Variants in METAP1 observed in about 807,000 individuals in gnomAD.
METAP1 encodes the protein methionine aminopeptidase 1.
METAP1 carries 28 observed loss-of-function variants against 53.8 expected under a neutral mutation model. The ratio of observed to expected loss-of-function variants is 0.52; its 90% CI spans 0.39 to 0.71. METAP1 has a LOEUF of 0.71. Ranked by LOEUF, METAP1 falls within the 30% of genes least tolerant of loss-of-function variation. METAP1 has a pLI of 0.00. For synonymous variants in METAP1, 181 were observed against 165.7 expected, an observed-to-expected ratio of 1.09 and a Z score of -0.71; for missense variants, 389 against 479.8, an observed-to-expected ratio of 0.81 and a Z score of 1.77.
chr4:99,023,057 C>A (rs1176683417), intron 1 of METAP1: 2 of 1,366,598 alleles, frequency 1.5e-6, no homozygotes, highest in Non-Finnish European at 2.0e-6. Context: ...TGCTCCTCCT[C>A]CACATCTAGT....
rs1249942471 is a variant in METAP1, at chr4:99,048,734, G to A, written c.789G>A (p.Val263=). The A allele has an allele frequency of 6.2e-7, 1 of 1,612,136 alleles. No homozygotes were observed. Among genetic ancestry groups the A allele is most frequent in the Admixed American group, 1.7e-5 (1 of 59,508 alleles). The change falls in exon 9 of 11, where the codon GTG becomes GTA. Residue 263 remains valine (V), a splice_region_variant and synonymous_variant. Coordinates refer to ENST00000296411, the MANE Select transcript of METAP1 (RefSeq NM_015143.3). The part of the protein sequence containing the change: ...YECLMQAIDA[V]KPGVRYRELG... ...ATGAATTTTCTTTTTTCCTTTCAGT[G>A]AAGCCTGGTGTTCGGTACAGAGAAT...
intron 1 of METAP1, among the ~76,000 whole-genome samples, chr4:98,999,754 G>C (rs1243004905): frequency 6.6e-6 from 1 of 151,272 alleles, no homozygotes; most frequent in Non-Finnish European, 1.5e-5. Context: ...CTCGTGATCC[G>C]CCTACCTCAG....
intron 1 of METAP1, among the ~76,000 whole-genome samples, chr4:99,017,409 T>A (rs1446247604): frequency 6.6e-6 from 1 of 152,284 alleles, no homozygotes; most frequent in Non-Finnish European, 1.5e-5. Context: ...TTCAGTTTCC[T>A]CAAGAGTTTC....
At position 99,041,059 on chromosome 4, in the gene METAP1, T is replaced by C. The variant is rs962780176; in HGVS notation, c.449T>C (p.Leu150Ser). Reference sequence around the variant, plus strand: ...TTTTTACAGCTTGCTAGAGAAGTTTTGGATGTTGCTGCCGGCATGATTAAA... The same window carrying C: ...TTTTTACAGCTTGCTAGAGAAGTTTCGGATGTTGCTGCCGGCATGATTAAA... Reference protein sequence around the residue: ...RLVCRLAREVLDVAAGMIKPG... With the variant: ...RLVCRLAREVSDVAAGMIKPG... The change falls in exon 6 of 11, where the codon TTG (leucine) becomes TCG (serine). Residue 150 changes from leucine (L) to serine (S), a missense_variant. By Grantham distance (145) the Leu-to-Ser change is moderately radical. Transcript: ENST00000296411. The C allele has an allele frequency of 6.2e-7, 1 of 1,609,112 alleles. No homozygotes were observed.
intron 10 of METAP1, among the ~76,000 whole-genome samples, chr4:99,058,190 C>G (rs62325210): frequency 6.6e-6 from 1 of 152,038 alleles, no homozygotes; most frequent in Admixed American, 6.6e-5. Flanking sequence ...CCACCCAGTT[C>G]GAGGCAGACA....
intron 10 of METAP1, among the ~76,000 whole-genome samples, chr4:99,060,618 C>T (rs1301283160): frequency 6.6e-6 from 1 of 152,110 alleles, no homozygotes; most frequent in East Asian, 1.9e-4. Context: ...CCGCCTCGGC[C>T]TCCCAAAGTG....
At chr4:99,035,350 T>A (rs770931043) in intron 3 of METAP1, 50 bp from the exon 4 acceptor site, 2 of 1,344,722 alleles carry the variant, frequency 1.5e-6, no homozygotes, top group South Asian at 2.5e-5. Context: ...TCTCCCCTCG[T>A]TTTATTTATT....
At chr4:99,022,706 CATAGGT>C in intron 1 of METAP1, 1 of 1,493,306 alleles carries the variant, frequency 6.7e-7, no homozygotes, top group African/African-American at 1.4e-5. Flanking sequence ...CTTGAGATTC[CATAGGT>C]CATAATGGGA....
At position 99,045,396 on chromosome 4, in the gene METAP1, T is replaced by C. The variant is rs1726149160; in HGVS notation, c.787+86T>C. On this transcript the variant is annotated intron_variant, in intron 8 of 10. Coordinates refer to ENST00000296411, the MANE Select transcript of METAP1 (RefSeq NM_015143.3). Reference sequence around the variant, plus strand: ...GGGCGCTGCAGTTCTGTGCATTCCTTGTACCTTCCAGGTTGCCCCTGTTCT... The same window carrying C: ...GGGCGCTGCAGTTCTGTGCATTCCTCGTACCTTCCAGGTTGCCCCTGTTCT... 4 of 1,467,578 alleles carry C rather than the reference T, an allele frequency of 2.7e-6. No individual in the cohort carries two copies. The African/African-American group carries it at 4.2e-5, about 15-fold the overall frequency. The allele number at this position is 1,467,578 out of a possible 1,614,324, so 90.9% of individuals were successfully genotyped here.
chr4:99,008,896 AAAC>A (rs1448612952), intron 1 of METAP1, among the ~76,000 whole-genome samples: 11 of 152,196 alleles, frequency 7.2e-5, no homozygotes, highest in African/African-American at 2.7e-4. Context: ...TTGTTATAAA[AAAC>A]ATTTAATTTT....
chr4:99,015,909 G>T (rs529249347), intron 1 of METAP1, among the ~76,000 whole-genome samples: 80 of 152,262 alleles, frequency 5.3e-4, no homozygotes, highest in East Asian at 5.2e-3. Flanking sequence ...GTGGGACTTG[G>T]CTCGGGGACC....
At chr4:99,015,516 T>A (rs1723708424) in intron 1 of METAP1, among the ~76,000 whole-genome samples, 1 of 152,160 alleles carries the variant, frequency 6.6e-6, no homozygotes, top group Non-Finnish European at 1.5e-5. Flanking sequence ...TTATGTGAAA[T>A]AAAGATTAGG....
At chr4:99,023,006 C>A in intron 1 of METAP1, 1 of 1,462,970 alleles carries the variant, frequency 6.8e-7, no homozygotes, top group Non-Finnish European at 9.2e-7. Flanking sequence ...CCTGGCACTA[C>A]CCGCTTCTTG....
chr4:99,007,488 C>T (rs1403831501), intron 1 of METAP1, among the ~76,000 whole-genome samples: 2 of 152,028 alleles, frequency 1.3e-5, no homozygotes, highest in Admixed American at 1.3e-4. Flanking sequence ...TTGCGATGAT[C>T]CTTACCTGAT....
At chr4:99,035,702 T>C (rs996208873) in intron 4 of METAP1, among the ~76,000 whole-genome samples, 2 of 152,170 alleles carry the variant, frequency 1.3e-5, no homozygotes, top group African/African-American at 4.8e-5. Flanking sequence ...TATTTTATGT[T>C]GTTATAACAA....
chr4:99,000,330 C>A (rs1183304328), intron 1 of METAP1, among the ~76,000 whole-genome samples: 1 of 152,136 alleles, frequency 6.6e-6, no homozygotes, highest in Non-Finnish European at 1.5e-5. Flanking sequence ...AGGTAGTAAG[C>A]ATAGTGTAAG....
chr4:99,006,767 A>C (rs1443184319), intron 1 of METAP1, among the ~76,000 whole-genome samples: 1 of 152,122 alleles, frequency 6.6e-6, no homozygotes, highest in Admixed American at 6.5e-5. Context: ...TTTGGCTGTC[A>C]TGTCTCTTAA....
chr4:99,057,934 TC>T, intron 10 of METAP1, 116 bp downstream of exon 10: 2 of 814,920 alleles, frequency 2.5e-6, no homozygotes, highest in South Asian at 1.7e-5. Flanking sequence ...TCACTCCCTG[TC>T]CCACCTCAAA....
intron 10 of METAP1, among the ~76,000 whole-genome samples, chr4:99,059,127 A>G (rs1373406579): frequency 6.6e-6 from 1 of 152,232 alleles, no homozygotes; most frequent in African/African-American, 2.4e-5. Flanking sequence ...CAGTAAGCAA[A>G]TAACTTTCTA....
Sources: allele counts gnomAD v4.1 joint callset (sites outside exome capture counted in the v4.1 genomes callset), GRCh38; gene constraint gnomAD v4.1.1; transcripts MANE v1.5; gene names NCBI Gene and HGNC (gene_info 2026-07-23, HGNC 2026-07-21).